The following OR2A5 variants were observed in gnomAD, a reference collection of about 807,000 sequenced individuals.
OR2A5 encodes the protein olfactory receptor family 2 subfamily A member 5.
OR2A5 carries 2 observed loss-of-function variants against 1.9 expected under a neutral mutation model. The observed-to-expected ratio is 1.04, with a 90% CI of 0.43 to 3.28. The LOEUF (loss-of-function observed/expected upper bound fraction) is 3.28, where lower values mean the gene tolerates loss of function less well. Among genes scored for constraint, OR2A5 ranks in the 30% most tolerant of loss-of-function variants. The probability of loss-of-function intolerance (pLI) is 0.08; values close to 1 mark genes in which losing one functional copy is unlikely to be tolerated. For missense variants in OR2A5, 391 were observed against 375.9 expected (o/e 1.04, Z -0.33); for synonymous variants, 160 against 154.5 (o/e 1.04, Z -0.26).
In OR2A5 at chr7:144,048,961, A is replaced by C. The variant is rs2050882362; in HGVS notation, c.-224A>C. On this transcript the variant is annotated 5_prime_UTR_variant, in exon 1 of 2. Transcript: ENST00000641693. ...TCCCAGAGAGCAGGCTGCAGTCTGC[A>C]TCAGCCTATGCTAAGAAAAGAGAGA... 1 of 152,310 alleles carries C rather than the reference A, an allele frequency of 6.6e-6. No individual in the cohort carries two copies. The highest frequency in any genetic ancestry group is 2.1e-4 in the South Asian group (1 of 4,832). 9.4% of individuals were successfully genotyped at this position (152,310 alleles called of 1,614,324 possible). A position where few individuals can be genotyped will look rare whatever the true frequency, so the allele number is the denominator to read the frequency against.
chr7:144,056,990 A>G lies in OR2A5; in HGVS notation c.*5653A>G, dbSNP rs544040992. The G allele has an allele frequency of 6.6e-6, 1 of 152,054 alleles. No homozygotes were observed. Among genetic ancestry groups the G allele is most frequent in the South Asian group, 2.1e-4 (1 of 4,798 alleles). 9.4% of individuals were successfully genotyped at this position (152,054 alleles called of 1,614,324 possible). ...CCACCATGCCCGGCTAATTTTTTGC[A>G]TTTTTAGTAGAGACGGGGTTTCACT... On this transcript the variant is annotated 3_prime_UTR_variant, in exon 2 of 2. Transcript: ENST00000641693.
rs2050919528 is a variant in OR2A5 at position 144,053,540 on chromosome 7, AC to A, written c.*2204del. On this transcript the variant is annotated 3_prime_UTR_variant, in exon 2 of 2. Coordinates refer to ENST00000641693, the MANE Select transcript of OR2A5 (RefSeq NM_012365.2). ...TTTTCTCCACTTAATAGATAAGTAA[AC>A]AAAGTTCAGAATGATTTAATAACTT... is the stretch of plus-strand genomic sequence containing the variant. The A allele has an allele frequency of 6.6e-6, 1 of 152,206 alleles. No individual in the cohort carries two copies. The highest frequency in any genetic ancestry group is 1.5e-5 in the Non-Finnish European group (1 of 68,044). The allele number at this position is 152,206 out of a possible 1,614,324, so 9.4% of individuals were successfully genotyped here.
In OR2A5 at chr7:144,054,745, T is replaced by A. The variant is rs2050927602; in HGVS notation, c.*3408T>A. The stretch of plus-strand genomic sequence containing the variant: ...TATATAGCTTCAATTCGAAAAGGAT[T>A]CTTGAGATAGCATCCAGATAGGAAA... On this transcript the variant is annotated 3_prime_UTR_variant, in exon 2 of 2. Coordinates refer to ENST00000641693, the MANE Select transcript of OR2A5 (RefSeq NM_012365.2). 6.6e-6 allele frequency: 1 copy of A among 152,204 alleles called. No individual in the cohort carries two copies. Among genetic ancestry groups the A allele is most frequent in the Non-Finnish European group, 1.5e-5 (1 of 68,028 alleles). The allele number at this position is 152,204 out of a possible 1,614,324, so 9.4% of individuals were successfully genotyped here.
rs1028754099 is a variant in OR2A5, at chr7:144,055,234, G to C, written c.*3897G>C. 1 of 152,076 alleles carries C rather than the reference G, an allele frequency of 6.6e-6. No individual in the cohort carries two copies. Among genetic ancestry groups the C allele is most frequent in the Non-Finnish European group, 1.5e-5 (1 of 68,016 alleles). 9.4% of individuals were successfully genotyped at this position (152,076 alleles called of 1,614,324 possible). A position where few individuals can be genotyped will look rare whatever the true frequency, so the allele number is the denominator to read the frequency against. ...AATCAAAAAGTAGGTTTACATAAAA[G>C]TGGAATTAACATCAATATGAGAAAA... On this transcript the variant is annotated 3_prime_UTR_variant, in exon 2 of 2. Coordinates refer to ENST00000641693, the MANE Select transcript of OR2A5 (RefSeq NM_012365.2).
At position 144,051,219 on chromosome 7, in the gene OR2A5, TC is replaced by T; in HGVS notation, c.820del (p.Leu274PhefsTer12). The T allele has an allele frequency of 6.2e-7, 1 of 1,614,168 alleles. No individual in the cohort carries two copies. The highest frequency in any genetic ancestry group is 1.1e-5 in the South Asian group (1 of 91,074). ...KSRHPEEQQK[V>X]LSLFYSLFNP... The stretch of plus-strand genomic sequence containing the variant: ...CGCCACCCTGAGGAGCAGCAGAAGG[TC>T]CTTTCCCTGTTTTACAGCCTTTTCA... On this transcript the variant is annotated frameshift_variant, in exon 2 of 2. Coordinates refer to ENST00000641693, the MANE Select transcript of OR2A5 (RefSeq NM_012365.2). LOFTEE classifies it high-confidence loss of function.
chr7:144,053,899 A>G lies in OR2A5; in HGVS notation c.*2562A>G, dbSNP rs1256429700. 1 of 152,228 alleles carries G rather than the reference A, an allele frequency of 6.6e-6. No homozygotes were observed. Among genetic ancestry groups the G allele is most frequent in the Non-Finnish European group, 1.5e-5 (1 of 68,048 alleles). The allele number at this position is 152,228 out of a possible 1,614,324, so 9.4% of individuals were successfully genotyped here. On this transcript the variant is annotated 3_prime_UTR_variant, in exon 2 of 2. Coordinates refer to ENST00000641693, the MANE Select transcript of OR2A5 (RefSeq NM_012365.2). ...TCCTAATGCCTGTCTGCAAAATCAC[A>G]TGGCCTCATAAGGCATTGCCCCAAA... is the stretch of plus-strand genomic sequence containing the variant.
At position 144,051,115 on chromosome 7, in the gene OR2A5, C is replaced by T. The variant is rs749996972; in HGVS notation, c.714C>T (p.Phe238=). The part of the protein sequence containing the change: ...IQSGEGRRKA[F]STCSSHLCMV... ...CTGGGGAGGGCCGCAGAAAGGCCTT[C>T]TCCACCTGCTCCTCCCACCTTTGCA... The change falls in exon 2 of 2, where the codon TTC becomes TTT. Residue 238 remains phenylalanine (F), a synonymous_variant. Coordinates refer to ENST00000641693, the MANE Select transcript of OR2A5 (RefSeq NM_012365.2). 1.2e-6 allele frequency: 2 copies of T among 1,614,228 alleles called. No individual in the cohort carries two copies. Among genetic ancestry groups the T allele is most frequent in the South Asian group, 1.1e-5 (1 of 91,086 alleles).
Position 144,050,899 on chromosome 7 carries a change from G to T in OR2A5, c.498G>T (p.Leu166=), listed in dbSNP as rs902592910. The change falls in exon 2 of 2, where the codon CTG becomes CTT. Residue 166 remains leucine (L), a synonymous_variant. Coordinates refer to ENST00000641693, the MANE Select transcript of OR2A5 (RefSeq NM_012365.2). ...ALVHVVLILR[L]PFCGPHEINH... is the part of the protein sequence containing the mutation. ...TCCATGTGGTTCTCATCCTGAGGCTGCCCTTCTGTGGGCCCCATGAAATCA... is the reference window on the plus strand; with the variant it reads ...TCCATGTGGTTCTCATCCTGAGGCTTCCCTTCTGTGGGCCCCATGAAATCA... 6.2e-7 allele frequency: 1 copy of T among 1,614,166 alleles called. No individual in the cohort carries two copies. The highest frequency in any genetic ancestry group is 1.7e-5 in the Admixed American group (1 of 60,030).
rs754189993 is a variant in OR2A5 at position 144,050,924 on chromosome 7, A to G, written c.523A>G (p.Asn175Asp). The change falls in exon 2 of 2, where the codon AAC becomes GAC. Residue 175 changes from asparagine to aspartate, a missense_variant. By Grantham distance (23) the Asn-to-Asp change is conservative. Transcript: ENST00000641693. ...RLPFCGPHEI[N>D]HFFCEILSVL... ...GCCCTTCTGTGGGCCCCATGAAATCAACCACTTCTTCTGTGAAATCCTGTC... is the reference window on the plus strand; with the variant it reads ...GCCCTTCTGTGGGCCCCATGAAATCGACCACTTCTTCTGTGAAATCCTGTC... 1.9e-6 allele frequency: 3 copies of G among 1,614,042 alleles called. No homozygotes were observed. The highest frequency in any genetic ancestry group is 1.7e-6 in the Non-Finnish European group (2 of 1,180,044).
chr7:144,049,902 A>T (rs965545310), intron 1 of OR2A5, among the ~76,000 whole-genome samples: 9 of 152,214 alleles, frequency 5.9e-5, no homozygotes, highest in Non-Finnish European at 1.3e-4. Flanking sequence ...TTCTCTAATC[A>T]TTTACTGGAG....
rs1246589883 is a variant in OR2A5, at chr7:144,052,861, A to C, written c.*1524A>C. On this transcript the variant is annotated 3_prime_UTR_variant, in exon 2 of 2. Transcript: ENST00000641693. ...CAACCACTATGGAATTATTGTGTGC[A>C]CTACTCTGAAGCTAGAAAGAGAAAA... The C allele has an allele frequency of 6.6e-6, 1 of 152,224 alleles. No individual in the cohort carries two copies. Among genetic ancestry groups the C allele is most frequent in the Admixed American group, 6.5e-5 (1 of 15,286 alleles). 9.4% of individuals were successfully genotyped at this position (152,224 alleles called of 1,614,324 possible).
At position 144,052,310 on chromosome 7, in the gene OR2A5, G is replaced by T. The variant is rs1319972735; in HGVS notation, c.*973G>T. ...TTTCCTGGACCCAAGTGGTCAGAAT[G>T]ACATGGACAGGTAATTTGTTTTATT... On this transcript the variant is annotated 3_prime_UTR_variant, in exon 2 of 2. Transcript: ENST00000641693. The T allele has an allele frequency of 6.6e-6, 1 of 152,130 alleles. No individual in the cohort carries two copies. The highest frequency in any genetic ancestry group is 1.9e-4 in the East Asian group (1 of 5,190). The allele number at this position is 152,130 out of a possible 1,614,324, so 9.4% of individuals were successfully genotyped here. A position where few individuals can be genotyped will look rare whatever the true frequency, so the allele number is the denominator to read the frequency against.
rs2050913029 is a variant in OR2A5, at chr7:144,052,387, C to A, written c.*1050C>A. ...TCAGCATAATATGATAATATGATTT[C>A]TTTAACACATTGAGTATGGTACCTT... On this transcript the variant is annotated 3_prime_UTR_variant, in exon 2 of 2. Transcript: ENST00000641693. 1.3e-5 allele frequency: 2 copies of A among 152,166 alleles called. No individual in the cohort carries two copies. Among genetic ancestry groups the A allele is most frequent in the Non-Finnish European group, 2.9e-5 (2 of 68,020 alleles). The allele number at this position is 152,166 out of a possible 1,614,324, so 9.4% of individuals were successfully genotyped here.
chr7:144,054,340 G>A lies in OR2A5; in HGVS notation c.*3003G>A, dbSNP rs1319371311. ...GAATGCTAAATGAAAGACTTTATGT[G>A]ACTCTGATTTGAAGTGATGTATTTT... On this transcript the variant is annotated 3_prime_UTR_variant, in exon 2 of 2. Coordinates refer to ENST00000641693, the MANE Select transcript of OR2A5 (RefSeq NM_012365.2). 1 of 152,180 alleles carries A rather than the reference G, an allele frequency of 6.6e-6. No homozygotes were observed. The highest frequency in any genetic ancestry group is 2.4e-5 in the African/African-American group (1 of 41,436). 9.4% of individuals were successfully genotyped at this position (152,180 alleles called of 1,614,324 possible).
Position 144,052,600 on chromosome 7 carries a change from C to T in OR2A5, c.*1263C>T, listed in dbSNP as rs1395056880. On this transcript the variant is annotated 3_prime_UTR_variant, in exon 2 of 2. Transcript: ENST00000641693. ...AAGCAAAGGGGGAACTCTTTCCTCC[C>T]ACCCCCTCTCCAAATGCACTGTTTT... 6.6e-6 allele frequency: 1 copy of T among 152,106 alleles called. No homozygotes were observed. The highest frequency in any genetic ancestry group is 1.5e-5 in the Non-Finnish European group (1 of 68,018). The allele number at this position is 152,106 out of a possible 1,614,324, so 9.4% of individuals were successfully genotyped here.
Position 144,050,910 on chromosome 7 carries a change from G to A in OR2A5, c.509G>A (p.Gly170Glu), listed in dbSNP as rs2050898273. The A allele has an allele frequency of 6.2e-7, 1 of 1,614,180 alleles. No individual in the cohort carries two copies. Among genetic ancestry groups the A allele is most frequent in the Non-Finnish European group, 8.5e-7 (1 of 1,180,034 alleles). ...CTCATCCTGAGGCTGCCCTTCTGTG[G>A]GCCCCATGAAATCAACCACTTCTTC... The part of the protein sequence containing the change: ...VVLILRLPFC[G>E]PHEINHFFCE... Residue 170 changes from glycine (G) to glutamate (E), a missense_variant, in exon 2 of 2, where the codon GGG becomes GAG. Physicochemically the swap from Gly to Glu is moderately conservative, Grantham distance 98. Coordinates refer to ENST00000641693, the MANE Select transcript of OR2A5 (RefSeq NM_012365.2).
In OR2A5 at chr7:144,050,851, A is replaced by G; in HGVS notation, c.450A>G (p.Ala150=). ...CAGTCCTGGCTGTCACTTCTTGGGC[A>G]TGTGGTTCCCTTCTGGCCCTGGTCC... ...VCTVLAVTSW[A]CGSLLALVHV... The change falls in exon 2 of 2, where the codon GCA becomes GCG. Residue 150 remains alanine (A), a synonymous_variant. Transcript: ENST00000641693. 6.2e-7 allele frequency: 1 copy of G among 1,614,112 alleles called. No individual in the cohort carries two copies. The highest frequency in any genetic ancestry group is 2.2e-5 in the East Asian group (1 of 44,864).
Position 144,052,680 on chromosome 7 carries a change from C to T in OR2A5, c.*1343C>T, listed in dbSNP as rs1308670552. ...GACTATTCTGCTCATCCATTCATCT[C>T]GGTTAAACATTCTGCCTCTGGTGAT... On this transcript the variant is annotated 3_prime_UTR_variant, in exon 2 of 2. Transcript: ENST00000641693. The T allele has an allele frequency of 2.0e-5, 3 of 152,106 alleles. No individual in the cohort carries two copies. Among genetic ancestry groups the T allele is most frequent in the Non-Finnish European group, 2.9e-5 (2 of 68,028 alleles). 9.4% of individuals were successfully genotyped at this position (152,106 alleles called of 1,614,324 possible).
In OR2A5 at chr7:144,048,974, A is replaced by G. The variant is rs2050882501; in HGVS notation, c.-211A>G. On this transcript the variant is annotated 5_prime_UTR_variant, in exon 1 of 2. Coordinates refer to ENST00000641693, the MANE Select transcript of OR2A5 (RefSeq NM_012365.2). Reference sequence around the variant, plus strand: ...GCTGCAGTCTGCATCAGCCTATGCTAAGAAAAGAGAGACAACTCCTGCATC... The same window carrying G: ...GCTGCAGTCTGCATCAGCCTATGCTGAGAAAAGAGAGACAACTCCTGCATC... The G allele has an allele frequency of 6.6e-6, 1 of 152,350 alleles. No homozygotes were observed. The highest frequency in any genetic ancestry group is 6.5e-5 in the Admixed American group (1 of 15,280). 9.4% of individuals were successfully genotyped at this position (152,350 alleles called of 1,614,324 possible).
Sources: allele counts gnomAD v4.1 joint callset (sites outside exome capture counted in the v4.1 genomes callset), GRCh38; gene constraint gnomAD v4.1.1; transcripts MANE v1.5; gene names NCBI Gene and HGNC (gene_info 2026-07-23, HGNC 2026-07-21).